TRAPPC8: variants seen among roughly 807,000 people sequenced by gnomAD.
TRAPPC8 encodes general sporulation gene 1 homolog.
A neutral mutation model predicts 174.3 loss-of-function variants in TRAPPC8; 54 were observed. The observed-to-expected ratio is 0.31, with a 90% CI of 0.25 to 0.39. The LOEUF (loss-of-function observed/expected upper bound fraction) is 0.39, where lower values mean the gene tolerates loss of function less well. Ranked by LOEUF, TRAPPC8 falls within the 10% of genes least tolerant of loss-of-function variation. The probability of loss-of-function intolerance (pLI) is 1.00; values close to 1 mark genes in which losing one functional copy is unlikely to be tolerated. For synonymous variants in TRAPPC8, 630 were observed against 579.9 expected (o/e 1.09, Z -1.24); for missense variants, 1,531 against 1,699.1 (o/e 0.90, Z 1.74).
At chr18:31,884,423 TATG>T (rs2035604097) in intron 12 of TRAPPC8, among the ~76,000 whole-genome samples, 1 of 152,246 alleles carries the variant, frequency 6.6e-6, no homozygotes, top group African/African-American at 2.4e-5. Context: ...TGTATATATT[TATG>T]ATGTATGCAC....
chr18:31,842,640 T>C (rs1395136727), intron 26 of TRAPPC8, among the ~76,000 whole-genome samples: 1 of 152,200 alleles, frequency 6.6e-6, no homozygotes, highest in African/African-American at 2.4e-5. Context: ...TCTTTACTTA[T>C]ACAGGATGAG....
At chr18:31,888,733 C>T (rs372957206) in intron 12 of TRAPPC8, among the ~76,000 whole-genome samples, 1 of 152,112 alleles carries the variant, frequency 6.6e-6, no homozygotes, top group Non-Finnish European at 1.5e-5. Context: ...CACATGGACA[C>T]AGTCCAACAC....
chr18:31,941,223 A>G (rs1019897778), intron 1 of TRAPPC8, among the ~76,000 whole-genome samples: 8 of 152,198 alleles, frequency 5.3e-5, no homozygotes, highest in African/African-American at 1.9e-4. Context: ...CGGGCAGATC[A>G]CCTGAGGTCG....
At chr18:31,934,278 C>T (rs1364669852) in intron 1 of TRAPPC8, among the ~76,000 whole-genome samples, 4 of 151,198 alleles carry the variant, frequency 2.6e-5, no homozygotes, top group African/African-American at 7.3e-5. Context: ...AAGAAAACTT[C>T]AACCTGGGAA....
intron 20 of TRAPPC8, among the ~76,000 whole-genome samples, chr18:31,856,807 CTTTTTTTT>C (rs79712667): frequency 1.8e-5 from 2 of 109,940 alleles, no homozygotes; most frequent in Non-Finnish European, 3.6e-5. Flanking sequence ...ATGCTAAAAT[CTTTTTTTT>C]TTTTTTTTTT....
At chr18:31,840,542 G>A (rs1456977721) in intron 26 of TRAPPC8, among the ~76,000 whole-genome samples, 1 of 151,990 alleles carries the variant, frequency 6.6e-6, no homozygotes, top group South Asian at 2.1e-4. Context: ...TCTGATAGCC[G>A]AGTTTGATTT....
chr18:31,935,548 T>TGAAAAAAAAAAAAAAAAAAAAAAAAAAA lies in TRAPPC8; in HGVS notation c.158-4026_158-4025insTTTTTTTTTTTTTTTTTTTTTTTTTTTC, dbSNP rs745488703. On this transcript the variant is annotated intron_variant, in intron 1 of 28. Transcript: ENST00000283351. Reference sequence around the variant, plus strand: ...GGGCAACAAGAGCGAAACTCCATCTTAAAAAAAAAAAAAAAAAAAAGCAGG... The same window carrying TGAAAAAAAAAAAAAAAAAAAAAAAAAAA: ...GGGCAACAAGAGCGAAACTCCATCTTGAAAAAAAAAAAAAAAAAAAAAAAAAAAAAAAAAAAAAAAAAAAAAAAGCAGG... 3.7e-4 allele frequency among the ~76,000 whole-genome samples: 17 copies of TGAAAAAAAAAAAAAAAAAAAAAAAAAAA among 46,272 alleles called. 6 individuals are homozygous for TGAAAAAAAAAAAAAAAAAAAAAAAAAAA. Among genetic ancestry groups the TGAAAAAAAAAAAAAAAAAAAAAAAAAAA allele is most frequent in the Middle Eastern group, 0.013 (1 of 78 alleles). The allele number at this position is 46,272 out of a possible 152,430, so 30.4% of individuals were successfully genotyped here.
chr18:31,910,590 T>C (rs1017950822), intron 5 of TRAPPC8, among the ~76,000 whole-genome samples: 1 of 152,198 alleles, frequency 6.6e-6, no homozygotes, highest in Admixed American at 6.5e-5. Context: ...TTTTTATTGA[T>C]CCTTAAGCAA....
chr18:31,879,203 C>T (rs1466954030), intron 12 of TRAPPC8, among the ~76,000 whole-genome samples: 1 of 152,164 alleles, frequency 6.6e-6, no homozygotes, highest in Non-Finnish European at 1.5e-5. Context: ...GGAACATTCT[C>T]TGAAGTTGAC....
At chr18:31,890,640 A>G in intron 12 of TRAPPC8, 95 bp downstream of exon 12, 1 of 1,420,156 alleles carries the variant, frequency 7.0e-7, no homozygotes, top group Non-Finnish European at 9.4e-7. Context: ...AACAAAATTT[A>G]GTTTTTAAGA....
At chr18:31,905,825 C>T (rs1330017434) in intron 9 of TRAPPC8, among the ~76,000 whole-genome samples, 1 of 152,090 alleles carries the variant, frequency 6.6e-6, no homozygotes, top group Non-Finnish European at 1.5e-5. Context: ...ACTAATACTT[C>T]CAGTTGAATG....
At chr18:31,844,073 G>A (rs1308949364) in intron 26 of TRAPPC8, among the ~76,000 whole-genome samples, 1 of 152,066 alleles carries the variant, frequency 6.6e-6, no homozygotes, top group Admixed American at 6.6e-5. Flanking sequence ...GGTTCATCTT[G>A]CATTTTCTCT....
At chr18:31,910,770 T>C (rs889252035) in intron 5 of TRAPPC8, among the ~76,000 whole-genome samples, 8 of 152,250 alleles carry the variant, frequency 5.3e-5, no homozygotes, top group Non-Finnish European at 1.0e-4. Context: ...TCTAGGATGC[T>C]AAGGCATAGA....
intron 11 of TRAPPC8, among the ~76,000 whole-genome samples, chr18:31,893,403 G>GTGCA (rs2036049050): frequency 7.3e-6 from 1 of 136,664 alleles, no homozygotes; most frequent in Non-Finnish European, 1.5e-5. Context: ...GTGTGTGTGT[G>GTGCA]CGCGCGCGCG....
rs1166361959 is a variant in TRAPPC8 at position 31,897,829 on chromosome 18, T to C, written c.1553A>G (p.Lys518Arg). The change falls in exon 11 of 29, where the codon AAA becomes AGA. Residue 518 changes from lysine to arginine, a missense_variant. Physicochemically the swap from Lys to Arg is conservative, Grantham distance 26. Coordinates refer to ENST00000283351, the MANE Select transcript of TRAPPC8 (RefSeq NM_014939.5). The stretch of plus-strand genomic sequence containing the variant: ...TAGGAGAGCTGCAGCCTCTGAATAT[T>C]TGCTTTGGCTTTTTAAAAGTTCAGC... ...LSAELLKSQSKYSEAAALLIR... is the reference protein window; with the variant it reads ...LSAELLKSQSRYSEAAALLIR... The C allele has an allele frequency of 2.5e-6, 4 of 1,611,662 alleles. No individual in the cohort carries two copies. In the South Asian group the frequency reaches 4.4e-5, roughly 18 times the overall value.
rs115483834 is a variant in TRAPPC8 at position 31,909,700 on chromosome 18, G to C, written c.832C>G (p.Leu278Val). 3.1e-5 allele frequency: 50 copies of C among 1,600,874 alleles called. No homozygotes were observed. The African/African-American group carries it at 4.4e-4, about 14-fold the overall frequency. Residue 278 changes from leucine to valine, a missense_variant, in exon 6 of 29, where the codon CTT (leucine) becomes GTT (valine). Leu to Val is a conservative substitution (Grantham distance 32, BLOSUM62 1). Coordinates refer to ENST00000283351, the MANE Select transcript of TRAPPC8 (RefSeq NM_014939.5). Reference sequence around the variant, plus strand: ...TCGTTATCTAATCCATCCAATGAAAGCAAGTTATTATCAGAATTCTTATTT... The same window carrying C: ...TCGTTATCTAATCCATCCAATGAAACCAAGTTATTATCAGAATTCTTATTT... ...TSNKNSDNNLLSLDGLDNEVK... is the reference protein window; with the variant it reads ...TSNKNSDNNLVSLDGLDNEVK...
chr18:31,844,077 T>A (rs1205418107), intron 26 of TRAPPC8, among the ~76,000 whole-genome samples: 1 of 152,180 alleles, frequency 6.6e-6, no homozygotes, highest in East Asian at 1.9e-4. Flanking sequence ...CATCTTGCAT[T>A]TTCTCTGCCC....
intron 26 of TRAPPC8, among the ~76,000 whole-genome samples, chr18:31,843,275 TTTTC>T (rs948296508): frequency 2.0e-5 from 3 of 152,188 alleles, no homozygotes; most frequent in African/African-American, 7.2e-5. Context: ...CTTCTGTCTT[TTTTC>T]TTTTTCGGTT....
At chr18:31,940,868 CA>C (rs1473767330) in intron 1 of TRAPPC8, among the ~76,000 whole-genome samples, 2 of 152,174 alleles carry the variant, frequency 1.3e-5, no homozygotes, top group African/African-American at 4.8e-5. Context: ...GGTGTAAATA[CA>C]TAATTCTAAA....
Sources: gnomAD v4.1 joint callset for allele counts (sites outside exome capture counted in the v4.1 genomes callset) on GRCh38, gnomAD v4.1.1 for gene constraint, MANE v1.5 for transcripts, NCBI Gene and HGNC (gene_info 2026-07-23, HGNC 2026-07-21) for gene names.